CNNM2: variants seen among roughly 807,000 people sequenced by gnomAD.
CNNM2 encodes the protein cyclin and CBS domain divalent metal cation transport mediator 2.
A neutral mutation model predicts 66.9 loss-of-function variants in CNNM2; 12 were observed. The ratio of observed to expected loss-of-function variants is 0.18; its 90% CI spans 0.11 to 0.29. The LOEUF is 0.29. Ranked by LOEUF, CNNM2 falls within the 10% of genes least tolerant of loss-of-function variation. CNNM2 has a pLI of 1.00. For missense variants in CNNM2, 705 were observed against 1,167.7 expected (o/e 0.60, Z 5.77); for synonymous variants, 557 against 501.8 (o/e 1.11, Z -1.47).
Position 103,034,822 on chromosome 10 carries a change from C to T in CNNM2, c.1622-14885C>T, listed in dbSNP as rs377129995. ...TCTACTAAAAATACAAAAAATTAGC[C>T]GGGCGCGGTGGCGGGCGCCTGTAGT... On this transcript the variant is annotated intron_variant, in intron 1 of 7. Transcript: ENST00000369878. 4.6e-5 allele frequency among the ~76,000 whole-genome samples: 7 copies of T among 151,780 alleles called. No homozygotes were observed. In the South Asian group the frequency reaches 1.0e-3, roughly 23 times the overall value.
rs537259520 is a variant in CNNM2, at chr10:103,089,678, TTCCTCC to T, written c.*12510_*12515del. 1.7e-4 allele frequency: 262 copies of T among 1,559,886 alleles called. 1 individual carries two copies. The highest frequency in any genetic ancestry group is 1.9e-4 in the Non-Finnish European group (213 of 1,141,640). ...GGGGTTTTGGTTTTCCTCCTTATTC[TTCCTCC>T]TCCTCCTCCTCTTCATCATCATCTT... On this transcript the variant is annotated 3_prime_UTR_variant, in exon 8 of 8. Coordinates refer to ENST00000369878, the MANE Select transcript of CNNM2 (RefSeq NM_017649.5).
intron 1 of CNNM2, among the ~76,000 whole-genome samples, chr10:102,938,452 G>GAA (rs1462798216): frequency 2.1e-5 from 3 of 140,860 alleles, no homozygotes; most frequent in Admixed American, 7.2e-5. Context: ...TCAAAAAATG[G>GAA]AAAAAAAAAA....
At chr10:102,956,915 T>A (rs1459786260) in intron 1 of CNNM2, among the ~76,000 whole-genome samples, 1 of 152,148 alleles carries the variant, frequency 6.6e-6, no homozygotes, top group Non-Finnish European at 1.5e-5. Flanking sequence ...CAAACCAACA[T>A]GGCACATGTA....
At chr10:103,076,037 G>A in intron 6 of CNNM2, 49 bp from the exon 7 acceptor site, 1 of 1,488,436 alleles carries the variant, frequency 6.7e-7, no homozygotes, top group Non-Finnish European at 9.1e-7. Context: ...TGGTTTTATT[G>A]GCTGTATCTA....
At chr10:103,035,817 T>C (rs571157098) in intron 1 of CNNM2, among the ~76,000 whole-genome samples, 1 of 152,310 alleles carries the variant, frequency 6.6e-6, no homozygotes, top group Non-Finnish European at 1.5e-5. Context: ...GACCATCCAC[T>C]TGGATGGCTA....
At position 103,088,251 on chromosome 10, in the gene CNNM2, A is replaced by G. The variant is rs947027349; in HGVS notation, c.*11071A>G. 2 of 152,250 alleles carry G rather than the reference A, an allele frequency of 1.3e-5. No individual in the cohort carries two copies. The highest frequency in any genetic ancestry group is 4.1e-4 in the South Asian group (2 of 4,828). The allele number at this position is 152,250 out of a possible 1,614,324, so 9.4% of individuals were successfully genotyped here. Reference sequence around the variant, plus strand: ...GGAAGAAAATATACAATGGTTAAAGAAAGAGTCTATAACCACTGTTTGTTT... The same window carrying G: ...GGAAGAAAATATACAATGGTTAAAGGAAGAGTCTATAACCACTGTTTGTTT... On this transcript the variant is annotated 3_prime_UTR_variant, in exon 8 of 8. Coordinates refer to ENST00000369878, the MANE Select transcript of CNNM2 (RefSeq NM_017649.5).
At chr10:103,042,105 G>C (rs745913669) in intron 1 of CNNM2, among the ~76,000 whole-genome samples, 10 of 152,124 alleles carry the variant, frequency 6.6e-5, no homozygotes, top group Non-Finnish European at 1.3e-4. Context: ...TCCTCCACTG[G>C]GAGCGGCAGC....
intron 1 of CNNM2, among the ~76,000 whole-genome samples, chr10:103,030,934 C>T (rs2064809197): frequency 6.6e-6 from 1 of 152,074 alleles, no homozygotes; most frequent in Non-Finnish European, 1.5e-5. Flanking sequence ...ACATGTTGAA[C>T]TTAAGATGCT....
intron 1 of CNNM2, among the ~76,000 whole-genome samples, chr10:102,925,716 C>T (rs892870111): frequency 8.5e-5 from 13 of 152,102 alleles, no homozygotes; most frequent in African/African-American, 2.7e-4. Flanking sequence ...TTATTGGTCT[C>T]GTGATTTTCC....
chr10:103,012,898 T>C (rs2064372726), intron 1 of CNNM2, among the ~76,000 whole-genome samples: 2 of 152,164 alleles, frequency 1.3e-5, no homozygotes, highest in Admixed American at 6.5e-5. Flanking sequence ...TACCATAGCC[T>C]TTCCTTCCTT....
intron 1 of CNNM2, among the ~76,000 whole-genome samples, chr10:103,026,405 G>A (rs1024332935): frequency 6.6e-6 from 1 of 152,072 alleles, no homozygotes; most frequent in African/African-American, 2.4e-5. Context: ...TTTGAGACCA[G>A]TCTGGGAAAC....
intron 1 of CNNM2, among the ~76,000 whole-genome samples, chr10:102,952,837 G>C (rs897824570): frequency 6.6e-6 from 1 of 152,084 alleles, no homozygotes; most frequent in African/African-American, 2.4e-5. Context: ...AAGTAGTTCT[G>C]CTTCAGTACT....
At chr10:103,062,517 C>T (rs2065404892) in intron 4 of CNNM2, among the ~76,000 whole-genome samples, 1 of 152,204 alleles carries the variant, frequency 6.6e-6, no homozygotes, top group Non-Finnish European at 1.5e-5. Flanking sequence ...AAGTATATGT[C>T]AGTATAAAAT....
chr10:103,039,180 T>C (rs1340847494), intron 1 of CNNM2, among the ~76,000 whole-genome samples: 1 of 152,154 alleles, frequency 6.6e-6, no homozygotes, highest in Non-Finnish European at 1.5e-5. Context: ...AGTCTCGCTC[T>C]GTCAGCCAGG....
Position 102,949,817 on chromosome 10 carries a change from A to G in CNNM2, c.1621+29716A>G, listed in dbSNP as rs148586842. Among the ~76,000 whole-genome samples the G allele has an allele frequency of 1.5e-3, 231 of 152,146 alleles. 1 individual carries two copies. The highest frequency in any genetic ancestry group is 5.4e-3 in the African/African-American group (224 of 41,532). ...AATAATAATAATAACAATAATAATA[A>G]TAACAACAACAACAAATAAATCACT... On this transcript the variant is annotated intron_variant, in intron 1 of 7. Transcript: ENST00000369878.
Position 103,077,187 on chromosome 10 carries a change from C to T in CNNM2, c.*7C>T, listed in dbSNP as rs374068573. On this transcript the variant is annotated 3_prime_UTR_variant, in exon 8 of 8. Coordinates refer to ENST00000369878, the MANE Select transcript of CNNM2 (RefSeq NM_017649.5). ...CAACGAAGGCGCCATCTAGGCCGCGCTGGCTGCACCCGCCCAGGCCCGCAC... is the reference window on the plus strand; with the variant it reads ...CAACGAAGGCGCCATCTAGGCCGCGTTGGCTGCACCCGCCCAGGCCCGCAC... 3 of 1,610,662 alleles carry T rather than the reference C, an allele frequency of 1.9e-6. No homozygotes were observed. The highest frequency in any genetic ancestry group is 2.5e-6 in the Non-Finnish European group (3 of 1,179,576).
At chr10:103,062,408 C>T (rs1291847548) in intron 4 of CNNM2, among the ~76,000 whole-genome samples, 5 of 152,158 alleles carry the variant, frequency 3.3e-5, no homozygotes, top group Non-Finnish European at 7.4e-5. Flanking sequence ...GTCTGTGTAC[C>T]CTAGTGCAGT....
chr10:102,918,307 C>A lies in CNNM2; in HGVS notation c.-174C>A. The A allele has an allele frequency of 8.6e-7, 1 of 1,158,700 alleles. No homozygotes were observed. The highest frequency in any genetic ancestry group is 1.7e-5 in the South Asian group (1 of 59,814). The allele number at this position is 1,158,700 out of a possible 1,614,324, so 71.8% of individuals were successfully genotyped here. On this transcript the variant is annotated 5_prime_UTR_variant, in exon 1 of 8. Coordinates refer to ENST00000369878, the MANE Select transcript of CNNM2 (RefSeq NM_017649.5). The surrounding 1 kb of genome is among the most constrained non-coding windows in gnomAD (Gnocchi z 4.1). ...CGGCGCTCCTCTCCCTCCCTCTTTC[C>A]CTCCCGCGAGCCTCGGGGTTCCTCA...
At chr10:102,999,614 TTTAA>T (rs2064076792) in intron 1 of CNNM2, among the ~76,000 whole-genome samples, 1 of 152,096 alleles carries the variant, frequency 6.6e-6, no homozygotes, top group Non-Finnish European at 1.5e-5. Flanking sequence ...GATCTACCTA[TTTAA>T]TACAATCCTT....
Sources: gnomAD v4.1 joint callset for allele counts (sites outside exome capture counted in the v4.1 genomes callset) on GRCh38, gnomAD v4.1.1 for gene constraint, Gnocchi (gnomAD v3.1) non-coding constraint, MANE v1.5 for transcripts, NCBI Gene and HGNC (gene_info 2026-07-23, HGNC 2026-07-21) for gene names.